Variants in TTC23 observed in about 807,000 individuals in gnomAD.
TTC23 encodes the protein tetratricopeptide repeat domain 23, also known as tetratricopeptide repeat protein 23.
Under a neutral mutation model 55.1 loss-of-function variants are expected in TTC23, and 58 were observed. That is an observed-to-expected ratio of 1.05 (90% confidence interval 0.85 to 1.31). The LOEUF (loss-of-function observed/expected upper bound fraction) is 1.31, where lower values mean the gene tolerates loss of function less well. TTC23 is among the 50% of genes most tolerant of loss of function. The pLI is 0.00. For synonymous variants in TTC23, 203 were observed against 199.9 expected (o/e 1.02, Z -0.13); for missense variants, 516 against 534.4 (o/e 0.97, Z 0.34).
intron 9 of TTC23, among the ~76,000 whole-genome samples, chr15:99,198,471 A>T (rs2151988018): frequency 6.6e-6 from 1 of 152,276 alleles, no homozygotes; most frequent in African/African-American, 2.4e-5. Flanking sequence ...TCCTAGTTCA[A>T]GCTACCATCA....
chr15:99,161,956 A>G, intron 10 of TTC23, 89 bp from the exon 11 acceptor site: 1 of 1,386,246 alleles, frequency 7.2e-7, no homozygotes, highest in Non-Finnish European at 9.6e-7. Flanking sequence ...GTGTTGAGCT[A>G]TTTGGAAAGA....
In TTC23 at chr15:99,170,519, T is replaced by C. The variant is rs546349104; in HGVS notation, c.865+4531A>G. 6.0e-4 allele frequency among the ~76,000 whole-genome samples: 91 copies of C among 152,312 alleles called. No homozygotes were observed. In the South Asian group the frequency reaches 0.018, roughly 30 times the overall value. On this transcript the variant is annotated intron_variant, in intron 10 of 13. Transcript: ENST00000394132. ...TTGGTGCTGGGTGGAATGTGCAGAT[T>C]TGCTCCTGGGATCCAGCCAGGACTT...
At chr15:99,208,809 C>T (rs1292011467) in intron 8 of TTC23, among the ~76,000 whole-genome samples, 2 of 152,184 alleles carry the variant, frequency 1.3e-5, no homozygotes, top group Non-Finnish European at 2.9e-5. Context: ...CTACAACTTA[C>T]TTAAAGCATC....
At chr15:99,161,322 C>T (rs560563152) in intron 11 of TTC23, among the ~76,000 whole-genome samples, 2 of 152,128 alleles carry the variant, frequency 1.3e-5, no homozygotes, top group Non-Finnish European at 2.9e-5. Context: ...ACGTAAATCA[C>T]GCTTGTACGA....
intron 12 of TTC23, among the ~76,000 whole-genome samples, chr15:99,152,305 C>T (rs1476261878): frequency 6.6e-6 from 1 of 152,188 alleles, no homozygotes; most frequent in Non-Finnish European, 1.5e-5. Context: ...CTTGCACAGC[C>T]TGCAGAATCG....
chr15:99,213,447 A>G (rs904765614), intron 8 of TTC23, among the ~76,000 whole-genome samples: 1 of 152,192 alleles, frequency 6.6e-6, no homozygotes, highest in Admixed American at 6.5e-5. Flanking sequence ...GTGCCAGAGG[A>G]TCATTTACTC....
chr15:99,183,497 A>ATT (rs56660145), intron 9 of TTC23, among the ~76,000 whole-genome samples: 22 of 100,840 alleles, frequency 2.2e-4, no homozygotes, highest in Non-Finnish European at 3.3e-4. Flanking sequence ...GATTTTTTGT[A>ATT]TTTTTTTTTT....
intron 9 of TTC23, among the ~76,000 whole-genome samples, chr15:99,176,227 A>C (rs2073534352): frequency 6.6e-6 from 1 of 152,254 alleles, no homozygotes; most frequent in Non-Finnish European, 1.5e-5. Flanking sequence ...AGTACAAAAA[A>C]TAAAATACGG....
In TTC23 at chr15:99,218,696, T is replaced by G. The variant is rs1274068923; in HGVS notation, c.473A>C (p.Glu158Ala). The G allele has an allele frequency of 6.2e-7, 1 of 1,614,142 alleles. No homozygotes were observed. Among genetic ancestry groups the G allele is most frequent in the Non-Finnish European group, 8.5e-7 (1 of 1,180,038 alleles). The change falls in exon 8 of 14, where the codon GAG becomes GCG. Residue 158 changes from glutamate (E) to alanine (A), a missense_variant. Transcript: ENST00000394132. ...LSLQKFKEAA[E>A]NLTKAERLSK... is the part of the protein sequence containing the mutation. Reference sequence around the variant, plus strand: ...AAGTCTCTCTGCTTTTGTCAAATTCTCTGCAGCTTCCTTAAATCTGAATTG... The same window carrying G: ...AAGTCTCTCTGCTTTTGTCAAATTCGCTGCAGCTTCCTTAAATCTGAATTG...
chr15:99,156,185 T>TG lies in TTC23; in HGVS notation c.1105dup (p.Gln369ProfsTer85), dbSNP rs1426445673. 6.2e-7 allele frequency: 1 copy of TG among 1,614,216 alleles called. No homozygotes were observed. Among genetic ancestry groups the TG allele is most frequent in the East Asian group, 2.2e-5 (1 of 44,884 alleles). ...CTTGCGGGCCCCACTGTGGTTCCCCTGCGCCAGGTCTGCTCCTCCCAGGAG... is the reference window on the plus strand; with the variant it reads ...CTTGCGGGCCCCACTGTGGTTCCCCTGGCGCCAGGTCTGCTCCTCCCAGGAG... On this transcript the variant is annotated frameshift_variant, in exon 12 of 14. Coordinates refer to ENST00000394132, the MANE Select transcript of TTC23 (RefSeq NM_001288615.3). LOFTEE classifies it high-confidence loss of function.
At chr15:99,195,591 G>A (rs1249558302) in intron 9 of TTC23, among the ~76,000 whole-genome samples, 1 of 152,160 alleles carries the variant, frequency 6.6e-6, no homozygotes, top group Non-Finnish European at 1.5e-5. Context: ...GAGATGAATA[G>A]GCAGAGCATG....
chr15:99,245,764 C>T (rs2080189477), intron 1 of TTC23, among the ~76,000 whole-genome samples: 1 of 150,898 alleles, frequency 6.6e-6, no homozygotes, highest in Non-Finnish European at 1.5e-5. Context: ...AAAGACTTAA[C>T]AGTAAGAGGT....
chr15:99,199,932 T>C lies in TTC23; in HGVS notation c.746A>G (p.Asn249Ser), dbSNP rs754156421. Reference protein sequence around the residue: ...QALGLHDVSINHFLQAHLIIL... With the variant: ...QALGLHDVSISHFLQAHLIIL... ...CTTGTAGCTTACCTGGAGGAAGTGG[T>C]TGATGGATACATCGTGGAGTCCCAG... The change falls in exon 9 of 14, where the codon AAC becomes AGC. Residue 249 changes from asparagine to serine, a missense_variant. By Grantham distance (46) the Asn-to-Ser change is conservative. Coordinates refer to ENST00000394132, the MANE Select transcript of TTC23 (RefSeq NM_001288615.3). The C allele has an allele frequency of 2.5e-6, 4 of 1,611,750 alleles. No individual in the cohort carries two copies. The highest frequency in any genetic ancestry group is 3.3e-5 in the Admixed American group (2 of 59,824).
intron 4 of TTC23, among the ~76,000 whole-genome samples, chr15:99,233,782 ATATT>A (rs1229326152): frequency 6.6e-6 from 1 of 152,248 alleles, no homozygotes; most frequent in Admixed American, 6.5e-5. Context: ...TTATTGAGCT[ATATT>A]TATGATAAAG....
rs907188214 is a variant in TTC23 at position 99,199,818 on chromosome 15, C to G, written c.759+101G>C. ...GGCCAACTGTTGTCCTTATCTAGAG[C>G]AAATGACAAAGCCAGGCATTTTCAG... On this transcript the variant is annotated intron_variant, in intron 9 of 13. Transcript: ENST00000394132. 18 of 1,221,468 alleles carry G rather than the reference C, an allele frequency of 1.5e-5. No individual in the cohort carries two copies. In the East Asian group the frequency reaches 4.4e-4, roughly 30 times the overall value. 75.7% of individuals were successfully genotyped at this position (1,221,468 alleles called of 1,614,324 possible). A position where few individuals can be genotyped will look rare whatever the true frequency, so the allele number is the denominator to read the frequency against.
rs755761200 is a variant in TTC23, at chr15:99,175,089, C to T, written c.826G>A (p.Ala276Thr). ...VEAADSAHIVAHAAVASGRHE... is the reference protein window; with the variant it reads ...VEAADSAHIVTHAAVASGRHE... ...CTCCCTGAAGCGACAGCAGCATGGG[C>T]GACGATGTGTGCCGAGTCTGCTGCC... The change falls in exon 10 of 14, where the codon GCC becomes ACC. Residue 276 changes from alanine (A) to threonine (T), a missense_variant. By Grantham distance (58) the Ala-to-Thr change is moderately conservative (BLOSUM62 0). Coordinates refer to ENST00000394132, the MANE Select transcript of TTC23 (RefSeq NM_001288615.3). 2.7e-5 allele frequency: 43 copies of T among 1,614,000 alleles called. No homozygotes were observed. Among genetic ancestry groups the T allele is most frequent in the Non-Finnish European group, 3.3e-5 (39 of 1,180,036 alleles).
At chr15:99,147,636 AAG>A (rs2069108424) in intron 12 of TTC23, among the ~76,000 whole-genome samples, 1 of 152,224 alleles carries the variant, frequency 6.6e-6, no homozygotes, top group South Asian at 2.1e-4. Flanking sequence ...CGAGTGCTTG[AAG>A]AGTCTTTAAG....
chr15:99,172,259 C>A (rs1000229905), intron 10 of TTC23, among the ~76,000 whole-genome samples: 1 of 152,132 alleles, frequency 6.6e-6, no homozygotes, highest in Non-Finnish European at 1.5e-5. Context: ...CTCATGTGAT[C>A]CACCCATCTT....
At chr15:99,186,163 T>C (rs1467345811) in intron 9 of TTC23, among the ~76,000 whole-genome samples, 1 of 152,248 alleles carries the variant, frequency 6.6e-6, no homozygotes, top group Non-Finnish European at 1.5e-5. Flanking sequence ...AAGTAGCTTA[T>C]ACTGGCAGAA....
Sources: allele counts gnomAD v4.1 joint callset (sites outside exome capture counted in the v4.1 genomes callset), GRCh38; gene constraint gnomAD v4.1.1; transcripts MANE v1.5; gene names NCBI Gene and HGNC (gene_info 2026-07-23, HGNC 2026-07-21).